TRIM4: variants seen among roughly 807,000 people sequenced by gnomAD.
TRIM4 encodes tripartite motif containing 4.
TRIM4 carries 29 observed loss-of-function variants against 33.7 expected under a neutral mutation model. The observed-to-expected ratio is 0.86, with a 90% CI of 0.64 to 1.17. TRIM4 has a LOEUF of 1.17. Among genes scored for constraint, TRIM4 ranks in the 50% most tolerant of loss-of-function variants. TRIM4 has a pLI of 0.00. For missense variants in TRIM4, 554 were observed against 593.7 expected (o/e 0.93, Z 0.69); for synonymous variants, 224 against 233.0 (o/e 0.96, Z 0.35).
chr7:99,911,157 GGGATTAAAGCACA>G (rs1349456871), intron 1 of TRIM4, among the ~76,000 whole-genome samples: 2 of 152,200 alleles, frequency 1.3e-5, no homozygotes, highest in Non-Finnish European at 2.9e-5. Flanking sequence ...AGCAGATTTC[GGGATTAAAGCACA>G]GGTGGCAGTT....
At chr7:99,918,390 A>C (rs924546227) in intron 1 of TRIM4, among the ~76,000 whole-genome samples, 1 of 152,142 alleles carries the variant, frequency 6.6e-6, no homozygotes, top group Non-Finnish European at 1.5e-5. Flanking sequence ...AAGATGGTGA[A>C]ACCCCTCTAT....
chr7:99,908,549 A>C (rs1819360369), intron 3 of TRIM4, 33 bp downstream of exon 3: 1 of 1,516,704 alleles, frequency 6.6e-7, no homozygotes. Flanking sequence ...CAGTTAGTGA[A>C]GATGAGATCA....
At chr7:99,910,554 C>T (rs1296689515) in intron 1 of TRIM4, among the ~76,000 whole-genome samples, 3 of 152,002 alleles carry the variant, frequency 2.0e-5, no homozygotes, top group Admixed American at 6.6e-5. Flanking sequence ...AAAGAATAAA[C>T]GTGTCTATGC....
At chr7:99,914,118 C>T (rs1277194444) in intron 1 of TRIM4, among the ~76,000 whole-genome samples, 5 of 152,128 alleles carry the variant, frequency 3.3e-5, no homozygotes, top group Non-Finnish European at 2.9e-5. Context: ...TTGAAGCCAC[C>T]ATCATCTTTT....
chr7:99,903,515 C>T, intron 4 of TRIM4, 61 bp downstream of exon 4: 1 of 1,606,426 alleles, frequency 6.2e-7, no homozygotes, highest in Non-Finnish European at 8.5e-7. Context: ...TGTTTCCCCT[C>T]TGCTCAGCCT....
At chr7:99,897,572 T>C (rs1819047203) in intron 5 of TRIM4, among the ~76,000 whole-genome samples, 1 of 151,858 alleles carries the variant, frequency 6.6e-6, no homozygotes, top group East Asian at 1.9e-4. Flanking sequence ...ATGTAGCAAC[T>C]AAAAAAAAGA....
At chr7:99,895,947 A>C (rs926163668) in intron 5 of TRIM4, among the ~76,000 whole-genome samples, 1 of 143,338 alleles carries the variant, frequency 7.0e-6, no homozygotes, top group Admixed American at 7.0e-5. Context: ...ATTGGGTCTT[A>C]TTTTTTTTTT....
In TRIM4 at chr7:99,903,302, C is replaced by A; in HGVS notation, c.757G>T (p.Asp253Tyr). The A allele has an allele frequency of 1.2e-6, 2 of 1,610,928 alleles. No homozygotes were observed. The highest frequency in any genetic ancestry group is 1.7e-6 in the Non-Finnish European group (2 of 1,177,662). ...KEVLTRSEIQ[D>Y]VNYSLEAVKV... ...ACAGCTTCAAGAGAATAGTTCACAT[C>A]CTGGATCTCACTCCTAAGAAGGTAG... is the stretch of plus-strand genomic sequence containing the variant. The change falls in exon 5 of 6, where the codon GAT (aspartate) becomes TAT (tyrosine). Residue 253 changes from aspartate to tyrosine, a missense_variant. Asp to Tyr is a radical substitution (Grantham distance 160). Coordinates refer to ENST00000349062, the MANE Select transcript of TRIM4 (RefSeq NM_033091.3).
In TRIM4 at chr7:99,919,057, G is replaced by C; in HGVS notation, c.345C>G (p.His115Gln). Residue 115 changes from histidine to glutamine, a missense_variant, in exon 1 of 6, where the codon CAC becomes CAG. Around this residue, in one of 3 missense-constraint regions of TRIM4, gnomAD observed 233 missense variants for 203.1 expected, o/e 1.15. Transcript: ENST00000349062. Reference sequence around the variant, plus strand: ...CGATGGGTGCCATGGCGTGAGTCTGGTGCTCCTGGGACTCCCTGCACACCA... The same window carrying C: ...CGATGGGTGCCATGGCGTGAGTCTGCTGCTCCTGGGACTCCCTGCACACCA... The part of the protein sequence containing the change: ...VCLVCRESQE[H>Q]QTHAMAPIDE... 1.3e-6 allele frequency: 2 copies of C among 1,579,198 alleles called. No individual in the cohort carries two copies. The highest frequency in any genetic ancestry group is 1.7e-6 in the Non-Finnish European group (2 of 1,164,708).
At chr7:99,912,530 T>TA (rs879501999) in intron 1 of TRIM4, among the ~76,000 whole-genome samples, 2 of 94,732 alleles carry the variant, frequency 2.1e-5, no homozygotes, top group South Asian at 2.8e-4. Context: ...ACTCTACATA[T>TA]TAAAAAAAAA....
intron 1 of TRIM4, 117 bp downstream of exon 1, chr7:99,918,892 G>A: frequency 7.8e-7 from 1 of 1,280,330 alleles, no homozygotes; most frequent in Non-Finnish European, 1.0e-6. Flanking sequence ...AGTTTCAGGG[G>A]CTTTTCATGC....
Position 99,891,860 on chromosome 7 carries a change from T to C in TRIM4, c.*303A>G, listed in dbSNP as rs532838102. 3 of 270,720 alleles carry C rather than the reference T, an allele frequency of 1.1e-5. No homozygotes were observed. Among genetic ancestry groups the C allele is most frequent in the African/African-American group, 4.4e-5 (2 of 45,630 alleles). The allele number at this position is 270,720 out of a possible 1,614,324, so 16.8% of individuals were successfully genotyped here. On this transcript the variant is annotated 3_prime_UTR_variant, in exon 6 of 6. Transcript: ENST00000349062. ...CTTCTACCTTTCCACCATTCCTGTG[T>C]TCTCAGTTCCAATATGGCTGCTAAC...
At position 99,916,462 on chromosome 7, in the gene TRIM4, A is replaced by C. The variant is rs574817151; in HGVS notation, c.393+2547T>G. Among the ~76,000 whole-genome samples, 22 of 152,296 alleles carry C rather than the reference A, an allele frequency of 1.4e-4. No individual in the cohort carries two copies. In the East Asian group the frequency reaches 1.5e-3, roughly 11 times the overall value. ...GTCACAATTACTTCACACTCAGTAC[A>C]TTCCACAAGCATGGGATCTTCTGTC... On this transcript the variant is annotated intron_variant, in intron 1 of 5. Coordinates refer to ENST00000349062, the MANE Select transcript of TRIM4 (RefSeq NM_033091.3).
intron 1 of TRIM4, among the ~76,000 whole-genome samples, chr7:99,914,221 G>A (rs997019548): frequency 1.3e-5 from 2 of 152,152 alleles, no homozygotes; most frequent in Non-Finnish European, 2.9e-5. Context: ...ACAGTGGCAC[G>A]ATCATAGCTC....
At chr7:99,895,719 T>G (rs893293962) in intron 5 of TRIM4, among the ~76,000 whole-genome samples, 1 of 152,248 alleles carries the variant, frequency 6.6e-6, no homozygotes, top group Non-Finnish European at 1.5e-5. Context: ...TTTGAAGCAC[T>G]GTTAAGTGCA....
rs190928092 is a variant in TRIM4 at position 99,907,483 on chromosome 7, T to C, written c.720+1099A>G. Reference sequence around the variant, plus strand: ...CTGATATAATTTTTTGTAAACATTCTGCTGGCTCACATGTATCTTCGAGGT... The same window carrying C: ...CTGATATAATTTTTTGTAAACATTCCGCTGGCTCACATGTATCTTCGAGGT... On this transcript the variant is annotated intron_variant, in intron 3 of 5. Transcript: ENST00000349062. Among the ~76,000 whole-genome samples the C allele has an allele frequency of 1.1e-3, 167 of 152,380 alleles. 3 individuals are homozygous for C. The highest frequency in any genetic ancestry group is 5.3e-3 in the Admixed American group (81 of 15,306).
chr7:99,916,827 T>C, intron 1 of TRIM4: 2 of 776,898 alleles, frequency 2.6e-6, no homozygotes, highest in Non-Finnish European at 4.8e-6. Flanking sequence ...AAAACCCTTT[T>C]ATAACTCCCC....
intron 5 of TRIM4, among the ~76,000 whole-genome samples, chr7:99,900,315 A>T (rs1368752827): frequency 6.6e-6 from 1 of 152,148 alleles, no homozygotes; most frequent in African/African-American, 2.4e-5. Flanking sequence ...AACTGATTAG[A>T]TGAGGCCCAC....
Position 99,903,673 on chromosome 7 carries a change from T to C in TRIM4, c.721-75A>G. ...CCTGGAATACAACTGTGTGAGCAGG[T>C]ATTTTCTGACGGTTGCATTTGCTCA... On this transcript the variant is annotated intron_variant, in intron 3 of 5. Coordinates refer to ENST00000349062, the MANE Select transcript of TRIM4 (RefSeq NM_033091.3). 5 of 1,569,058 alleles carry C rather than the reference T, an allele frequency of 3.2e-6. No individual in the cohort carries two copies. The South Asian group carries it at 4.5e-5, about 14-fold the overall frequency.
Sources: gnomAD v4.1 joint callset for allele counts (sites outside exome capture counted in the v4.1 genomes callset) on GRCh38, gnomAD v4.1.1 for gene constraint, gnomAD v4.1.1 regional missense constraint, MANE v1.5 for transcripts, NCBI Gene and HGNC (gene_info 2026-07-23, HGNC 2026-07-21) for gene names.